The following PTPN14 variants were observed in gnomAD, a reference collection of about 807,000 sequenced individuals.
The protein encoded by PTPN14 is tyrosine-protein phosphatase non-receptor type 14.
In PTPN14, 53 loss-of-function variants were observed where a neutral mutation model predicts 126.8. That is an observed-to-expected ratio of 0.42 (90% confidence interval 0.34 to 0.53). The LOEUF (loss-of-function observed/expected upper bound fraction) is 0.53. PTPN14 is among the 20% of genes least tolerant of loss of function. The pLI is 0.08. For missense variants in PTPN14, 1,257 were observed against 1,552.9 expected, an observed-to-expected ratio of 0.81 and a Z score of 3.20; for synonymous variants, 630 against 599.3, an observed-to-expected ratio of 1.05 and a Z score of -0.75.
chr1:214,388,322 A>T (rs1489340736), intron 11 of PTPN14, among the ~76,000 whole-genome samples: 2 of 152,080 alleles, frequency 1.3e-5, no homozygotes, highest in Non-Finnish European at 2.9e-5. Context: ...TTGAAATAAG[A>T]GTTTTGATTT....
intron 3 of PTPN14, among the ~76,000 whole-genome samples, chr1:214,437,625 C>G (rs1158850794): frequency 6.6e-6 from 1 of 152,156 alleles, no homozygotes; most frequent in African/African-American, 2.4e-5. Flanking sequence ...TACAAAATTG[C>G]TACAGAAGAA....
chr1:214,535,045 A>G (rs1291746651), intron 1 of PTPN14, among the ~76,000 whole-genome samples: 1 of 152,224 alleles, frequency 6.6e-6, no homozygotes, highest in Non-Finnish European at 1.5e-5. Flanking sequence ...CATATATTTG[A>G]AAAAAGGTCA....
chr1:214,387,912 G>A (rs1455398507), intron 11 of PTPN14, among the ~76,000 whole-genome samples: 1 of 151,992 alleles, frequency 6.6e-6, no homozygotes, highest in Admixed American at 6.6e-5. Flanking sequence ...CTAAAATGTG[G>A]CCCACAACAA....
chr1:214,441,893 A>G (rs6540831), intron 3 of PTPN14, among the ~76,000 whole-genome samples: 140,233 of 152,300 alleles, frequency 0.92, 64,684 homozygotes, highest in African/African-American at 0.97. Context: ...TTATTTCATG[A>G]GTTCAATTGT....
At chr1:214,477,423 A>G (rs1660892278) in intron 1 of PTPN14, among the ~76,000 whole-genome samples, 1 of 152,190 alleles carries the variant, frequency 6.6e-6, no homozygotes, top group Non-Finnish European at 1.5e-5. Context: ...CCTGCCTTGT[A>G]AAGACACACA....
rs1658030697 is a variant in PTPN14 at position 214,364,575 on chromosome 1, C to T, written c.3372G>A (p.Gly1124=). 1 of 1,614,054 alleles carries T rather than the reference C, an allele frequency of 6.2e-7. No homozygotes were observed. Among genetic ancestry groups the T allele is most frequent in the African/African-American group, 1.3e-5 (1 of 75,014 alleles). The change falls in exon 18 of 19, where the codon GGG becomes GGA. Residue 1124 remains glycine (G), a synonymous_variant. Coordinates refer to ENST00000366956, the MANE Select transcript of PTPN14 (RefSeq NM_005401.5). The surrounding 1 kb of genome is among the most constrained non-coding windows in gnomAD (Gnocchi z 4.1). ...HPPIVVHCSA[G]VGRTGVLILS... is the part of the protein sequence containing the mutation. The stretch of plus-strand genomic sequence containing the variant: ...GAATGAGCACGCCGGTCCTTCCCAC[C>T]CCAGCACTACAGTGGACCACGATGG...
intron 3 of PTPN14, among the ~76,000 whole-genome samples, chr1:214,440,824 A>G (rs531939009): frequency 5.3e-5 from 8 of 152,318 alleles, no homozygotes; most frequent in East Asian, 3.9e-4. Flanking sequence ...TTAACTCCCT[A>G]GGGAGTGGAG....
At chr1:214,484,062 G>A (rs1322949307) in intron 1 of PTPN14, among the ~76,000 whole-genome samples, 1 of 152,186 alleles carries the variant, frequency 6.6e-6, no homozygotes, top group African/African-American at 2.4e-5. Flanking sequence ...GAAAATATAG[G>A]TGTATTTAGT....
chr1:214,399,094 C>T (rs551738666), intron 7 of PTPN14, among the ~76,000 whole-genome samples: 2 of 152,314 alleles, frequency 1.3e-5, no homozygotes, highest in South Asian at 4.1e-4. Flanking sequence ...AGTGTTCTAA[C>T]CACAAAGAAA....
intron 1 of PTPN14, chr1:214,531,483 C>G (rs1234873973): frequency 1.3e-5 from 2 of 148,152 alleles, no homozygotes; most frequent in Non-Finnish European, 3.0e-5. Context: ...CAAAACCCAT[C>G]TCTACAACCC....
intron 1 of PTPN14, among the ~76,000 whole-genome samples, chr1:214,491,471 C>G (rs1302625080): frequency 1.3e-5 from 2 of 152,134 alleles, no homozygotes; most frequent in African/African-American, 2.4e-5. Context: ...GGAATAAAAC[C>G]GTTGGACCTC....
chr1:214,496,679 T>C (rs1654524839), intron 1 of PTPN14, among the ~76,000 whole-genome samples: 1 of 152,210 alleles, frequency 6.6e-6, no homozygotes, highest in Non-Finnish European at 1.5e-5. Flanking sequence ...GAGAACACTA[T>C]TAGAAACTAA....
chr1:214,502,431 C>T (rs1431927132), intron 1 of PTPN14, among the ~76,000 whole-genome samples: 1 of 152,190 alleles, frequency 6.6e-6, no homozygotes, highest in Non-Finnish European at 1.5e-5. Flanking sequence ...TAATACAATA[C>T]AGCTCAGAGT....
intron 1 of PTPN14, among the ~76,000 whole-genome samples, chr1:214,547,324 C>A (rs1194958349): frequency 6.6e-6 from 1 of 152,196 alleles, no homozygotes; most frequent in African/African-American, 2.4e-5. Context: ...CAGCCCTGCA[C>A]GCAATCCTGC....
intron 3 of PTPN14, among the ~76,000 whole-genome samples, chr1:214,444,059 C>T (rs899708132): frequency 6.6e-6 from 1 of 152,142 alleles, no homozygotes; most frequent in Non-Finnish European, 1.5e-5. Context: ...GTGTCTAACA[C>T]AGAATAGGTA....
chr1:214,533,229 G>A, intron 1 of PTPN14: 1 of 659,094 alleles, frequency 1.5e-6, no homozygotes, highest in Non-Finnish European at 2.8e-6. Context: ...GGCTGGCCCA[G>A]ACCCAGGAAG....
At chr1:214,397,850 A>T in intron 8 of PTPN14, 63 bp downstream of exon 8, 18 of 1,305,808 alleles carry the variant, frequency 1.4e-5, no homozygotes, top group Non-Finnish European at 1.6e-5. Flanking sequence ...ATGTTAATGT[A>T]ACATTAACAT....
At chr1:214,479,716 A>G (rs993769035) in intron 1 of PTPN14, among the ~76,000 whole-genome samples, 17 of 152,198 alleles carry the variant, frequency 1.1e-4, no homozygotes, top group Non-Finnish European at 2.1e-4. Context: ...ATTCTTTTGA[A>G]TTATTAGGGT....
Position 214,520,065 on chromosome 1 carries a change from A to AAAAAT in PTPN14, c.-155+31117_-155+31118insATTTT. Among the ~76,000 whole-genome samples, 227 of 71,090 alleles carry AAAAAT rather than the reference A, an allele frequency of 3.2e-3. 2 individuals carry two copies. The highest frequency in any genetic ancestry group is 0.016 in the African/African-American group (221 of 13,670). 46.6% of individuals were successfully genotyped at this position (71,090 alleles called of 152,430 possible). A position where few individuals can be genotyped will look rare whatever the true frequency, so the allele number is the denominator to read the frequency against. ...CCTGTCTCAAAAAAAAAAAAAAAAA[A>AAAAAT]ATATATATATATATATATGCAGAAT... is the stretch of plus-strand genomic sequence containing the variant. On this transcript the variant is annotated intron_variant, in intron 1 of 18. Transcript: ENST00000366956.
Sources: allele counts gnomAD v4.1 joint callset (sites outside exome capture counted in the v4.1 genomes callset), GRCh38; gene constraint gnomAD v4.1.1; non-coding constraint Gnocchi (gnomAD v3.1); transcripts MANE v1.5; gene names NCBI Gene and HGNC (gene_info 2026-07-23, HGNC 2026-07-21).